HEATR1: variants seen among roughly 807,000 people sequenced by gnomAD.
HEATR1 encodes HEAT repeat containing 1, also known as HEAT repeat-containing protein 1.
In HEATR1, 77 loss-of-function variants were observed where a neutral mutation model predicts 248.2. That is an observed-to-expected ratio of 0.31 (90% CI 0.26 to 0.37). The LOEUF is 0.37. Among genes scored for constraint, HEATR1 ranks in the 10% least tolerant of loss-of-function variants. The pLI is 1.00. For missense variants in HEATR1, 2,420 were observed against 2,504.9 expected, an observed-to-expected ratio of 0.97 and a Z score of 0.72; for synonymous variants, 897 against 923.1, an observed-to-expected ratio of 0.97 and a Z score of 0.51.
chr1:236,594,789 C>T (rs944202635), intron 8 of HEATR1, among the ~76,000 whole-genome samples: 1 of 151,958 alleles, frequency 6.6e-6, no homozygotes, highest in African/African-American at 2.4e-5. Context: ...TGCAAATAAT[C>T]ACTTTCTAAT....
chr1:236,563,431 A>G (rs819433), intron 32 of HEATR1, among the ~76,000 whole-genome samples: 151,955 of 152,144 alleles, frequency 1, 75,884 homozygotes, highest in Middle Eastern at 1. Context: ...ACAGGCGCCC[A>G]CCACCACGCC....
intron 32 of HEATR1, among the ~76,000 whole-genome samples, chr1:236,563,562 A>G (rs530695575): frequency 6.6e-6 from 1 of 152,080 alleles, no homozygotes; most frequent in South Asian, 2.1e-4. Flanking sequence ...GTGAGCGAGG[A>G]TTTTTCTCTC....
At chr1:236,599,741 T>A in intron 3 of HEATR1, 117 bp from the exon 4 acceptor site, 1 of 930,422 alleles carries the variant, frequency 1.1e-6, no homozygotes, top group Non-Finnish European at 1.6e-6. Context: ...CGAGTAGCAG[T>A]AAAAATCACA....
rs762204951 is a variant in HEATR1 at position 236,591,956 on chromosome 1, C to T, written c.1422+37G>A. 7.0e-6 allele frequency: 9 copies of T among 1,293,574 alleles called. No homozygotes were observed. The Admixed American group carries it at 1.4e-4, about 20-fold the overall frequency. 80.1% of individuals were successfully genotyped at this position (1,293,574 alleles called of 1,614,324 possible). On this transcript the variant is annotated intron_variant, in intron 11 of 44. Coordinates refer to ENST00000366582, the MANE Select transcript of HEATR1 (RefSeq NM_018072.6). ...CTCTTCACATACCCATACAAATGTA[C>T]CCCAAATTGTCATAATTCCTTTGGA...
intron 44 of HEATR1, 129 bp from the exon 45 acceptor site, chr1:236,551,119 A>G (rs1484687368): frequency 4.0e-6 from 3 of 744,020 alleles, no homozygotes; most frequent in Non-Finnish European, 4.2e-6. Flanking sequence ...AATGAAGCAC[A>G]TTAACAAAGC....
At position 236,572,407 on chromosome 1, in the gene HEATR1, T is replaced by A. The variant is rs758485075; in HGVS notation, c.3707+4A>T. The A allele has an allele frequency of 1.2e-6, 2 of 1,614,010 alleles. No homozygotes were observed. Among genetic ancestry groups the A allele is most frequent in the South Asian group, 2.2e-5 (2 of 91,066 alleles). On this transcript the variant is annotated splice_donor_region_variant and intron_variant, in intron 26 of 44. Transcript: ENST00000366582. ...TCTCACAGATCAAAGCCAAGTGTCATTACCTTGATAGCAAGTTAAAAAGAG... is the reference window on the plus strand; with the variant it reads ...TCTCACAGATCAAAGCCAAGTGTCAATACCTTGATAGCAAGTTAAAAAGAG...
rs1316225184 is a variant in HEATR1 at position 236,552,133 on chromosome 1, AT to A, written c.6238-27del. 2.8e-6 allele frequency: 4 copies of A among 1,443,626 alleles called. No homozygotes were observed. The South Asian group carries it at 4.6e-5, about 17-fold the overall frequency. 89.4% of individuals were successfully genotyped at this position (1,443,626 alleles called of 1,614,324 possible). A position where few individuals can be genotyped will look rare whatever the true frequency, so the allele number is the denominator to read the frequency against. ...CTGAAAGGGATAAAAGAGCAAAGAA[AT>A]AAAAAGTAGTGTTACTGTATTTATT... is the stretch of plus-strand genomic sequence containing the variant. On this transcript the variant is annotated intron_variant, in intron 43 of 44. Transcript: ENST00000366582.
rs561151472 is a variant in HEATR1 at position 236,587,155 on chromosome 1, ATTATATAC to A, written c.1715+239_1715+246del. Among the ~76,000 whole-genome samples the A allele has an allele frequency of 1.4e-4, 22 of 152,272 alleles. No individual in the cohort carries two copies. The East Asian group carries it at 3.9e-3, about 27-fold the overall frequency. On this transcript the variant is annotated intron_variant, in intron 14 of 44. Transcript: ENST00000366582. ...TACTTCCCAGAATGCAATATCATAC[ATTATATAC>A]TTCCTTTTGCATTTTATTAAGAGAA...
Position 236,585,867 on chromosome 1 carries a change from A to G in HEATR1, c.2002T>C (p.Leu668=), listed in dbSNP as rs1327041937. 1 of 1,612,794 alleles carries G rather than the reference A, an allele frequency of 6.2e-7. No homozygotes were observed. The highest frequency in any genetic ancestry group is 1.3e-5 in the African/African-American group (1 of 74,898). The change falls in exon 16 of 45, where the codon TTG becomes CTG. Residue 668 remains leucine, a synonymous_variant. Transcript: ENST00000366582. ...GVANQKMIEL[L]ADNINLGDPS... ...TCTCCTAAATTTATATTATCAGCCA[A>G]CAACTCAATCATCTTCTGATTTGCT... is the stretch of plus-strand genomic sequence containing the variant.
intron 14 of HEATR1, among the ~76,000 whole-genome samples, chr1:236,586,787 C>T (rs1014999965): frequency 7.4e-6 from 1 of 135,538 alleles, no homozygotes; most frequent in Non-Finnish European, 1.6e-5. Context: ...TTAACTATAA[C>T]ATAAGACATA....
rs768338113 is a variant in HEATR1, at chr1:236,599,515, T to C, written c.469A>G (p.Lys157Glu). The change falls in exon 4 of 45, where the codon AAG becomes GAG. Residue 157 changes from lysine (K) to glutamate (E), a missense_variant. Coordinates refer to ENST00000366582, the MANE Select transcript of HEATR1 (RefSeq NM_018072.6). ...VIQLLKINNS[K>E]HRWFWLLPVK... ...GGCAACAACCAGAACCATCTGTGCT[T>C]TGAATTATTAATTTTTAGAAGCTGT... The C allele has an allele frequency of 3.7e-6, 6 of 1,613,702 alleles. No homozygotes were observed. The highest frequency in any genetic ancestry group is 5.1e-6 in the Non-Finnish European group (6 of 1,179,860).
At chr1:236,571,243 G>T in intron 28 of HEATR1, 108 bp downstream of exon 28, 2 of 1,335,044 alleles carry the variant, frequency 1.5e-6, no homozygotes, top group South Asian at 1.6e-5. Context: ...AGTGCTGGAA[G>T]ATTCCAAAGC....
Position 236,571,287 on chromosome 1 carries a change from G to A in HEATR1, c.3948+64C>T. ...TTAAATTTAAAATCAACAGGTGCCA[G>A]TGCATTTCTGTGGAAGAAAAATATC... On this transcript the variant is annotated intron_variant, in intron 28 of 44. Transcript: ENST00000366582. The A allele has an allele frequency of 2.0e-6, 3 of 1,524,540 alleles. No homozygotes were observed. In the South Asian group the frequency reaches 3.9e-5, roughly 20 times the overall value. 94.4% of individuals were successfully genotyped at this position (1,524,540 alleles called of 1,614,324 possible). A position where few individuals can be genotyped will look rare whatever the true frequency, so the allele number is the denominator to read the frequency against.
intron 7 of HEATR1, 70 bp downstream of exon 7, chr1:236,595,763 A>AT: frequency 5.7e-6 from 8 of 1,399,090 alleles, no homozygotes; most frequent in Non-Finnish European, 7.9e-6. Flanking sequence ...CTTATCTTAC[A>AT]AAAAAAAATT....
At chr1:236,599,650 A>G (rs1282744210) in intron 3 of HEATR1, 26 bp from the exon 4 acceptor site, 5 of 1,579,230 alleles carry the variant, frequency 3.2e-6, no homozygotes, top group Middle Eastern at 1.7e-4. Flanking sequence ...AAACAGTCCA[A>G]CTGAACACAA....
chr1:236,576,703 A>G, intron 21 of HEATR1, 77 bp downstream of exon 21: 2 of 1,338,110 alleles, frequency 1.5e-6, no homozygotes, highest in Non-Finnish European at 1.0e-6. Flanking sequence ...CTACACAGTG[A>G]AATGTCGAGA....
Position 236,555,848 on chromosome 1 carries a change from G to T in HEATR1, c.5606C>A (p.Ala1869Asp). The T allele has an allele frequency of 1.9e-6, 3 of 1,614,134 alleles. No individual in the cohort carries two copies. The highest frequency in any genetic ancestry group is 2.5e-6 in the Non-Finnish European group (3 of 1,179,964). Residue 1869 changes from alanine (A) to aspartate (D), a missense_variant, in exon 39 of 45, where the codon GCC (alanine) becomes GAC (aspartate). Physicochemically the swap from Ala to Asp is moderately radical, Grantham distance 126 (BLOSUM62 -2). Coordinates refer to ENST00000366582, the MANE Select transcript of HEATR1 (RefSeq NM_018072.6). Reference protein sequence around the residue: ...ELTSHQSQLTAFFLEALDFRA... With the variant: ...ELTSHQSQLTDFFLEALDFRA... ...GAAGTCCAGGGCTTCCAGGAAAAAG[G>T]CGGTTAGCTGAGACTGATGGGAGGT... is the stretch of plus-strand genomic sequence containing the variant.
At chr1:236,588,116 T>C (rs1663942453) in intron 12 of HEATR1, 73 bp from the exon 13 acceptor site, 3 of 1,160,534 alleles carry the variant, frequency 2.6e-6, no homozygotes, top group Non-Finnish European at 3.7e-6. Context: ...AGAAAGGAAG[T>C]ATGGTTTTGT....
intron 20 of HEATR1, among the ~76,000 whole-genome samples, chr1:236,578,050 C>CT (rs1663611528): frequency 6.6e-6 from 1 of 152,116 alleles, no homozygotes; most frequent in African/African-American, 2.4e-5. Context: ...TTTTCTTCTA[C>CT]TTTTTTTCTG....
Sources: gnomAD v4.1 joint callset for allele counts (sites outside exome capture counted in the v4.1 genomes callset) on GRCh38, gnomAD v4.1.1 for gene constraint, MANE v1.5 for transcripts, NCBI Gene and HGNC (gene_info 2026-07-23, HGNC 2026-07-21) for gene names.